Variants in CACNA2D3 observed in about 807,000 individuals in gnomAD.
CACNA2D3 encodes the protein voltage-dependent calcium channel subunit alpha-2/delta-3.
Under a neutral mutation model 160.6 loss-of-function variants are expected in CACNA2D3, and 60 were observed. The ratio of observed to expected loss-of-function variants is 0.37; its 90% CI spans 0.30 to 0.46. CACNA2D3 has a LOEUF of 0.46. Among genes scored for constraint, CACNA2D3 ranks in the 20% least tolerant of loss-of-function variants. The pLI is 1.00. For synonymous variants in CACNA2D3, 558 were observed against 492.9 expected (o/e 1.13, Z -1.75); for missense variants, 1,205 against 1,365.0 (o/e 0.88, Z 1.85).
chr3:54,275,382 G>T (rs1702712594), intron 2 of CACNA2D3, among the ~76,000 whole-genome samples: 1 of 151,394 alleles, frequency 6.6e-6, no homozygotes, highest in African/African-American at 2.4e-5. Context: ...TTTTTTCTTA[G>T]AAAAAAAATT....
chr3:54,176,845 G>C (rs1292298587), intron 2 of CACNA2D3, among the ~76,000 whole-genome samples: 1 of 152,080 alleles, frequency 6.6e-6, no homozygotes, highest in Non-Finnish European at 1.5e-5. Context: ...CCTTTGGTTG[G>C]GGTTGGGGGA....
intron 31 of CACNA2D3, among the ~76,000 whole-genome samples, chr3:55,003,896 G>T (rs547007115): frequency 6.6e-6 from 1 of 152,150 alleles, no homozygotes. Context: ...GCATCCTGTG[G>T]TTTGGGACTG....
chr3:54,687,831 A>T (rs1026437161), intron 11 of CACNA2D3, among the ~76,000 whole-genome samples: 1 of 152,194 alleles, frequency 6.6e-6, no homozygotes, highest in Non-Finnish European at 1.5e-5. Context: ...AATAAATCAC[A>T]TTGGTGTTAG....
At chr3:55,053,290 A>G (rs1704274619) in intron 35 of CACNA2D3, among the ~76,000 whole-genome samples, 1 of 152,022 alleles carries the variant, frequency 6.6e-6, no homozygotes, top group Non-Finnish European at 1.5e-5. Context: ...CTTACATACC[A>G]TTTAATTATT....
chr3:54,416,020 C>A (rs12632768), intron 4 of CACNA2D3, among the ~76,000 whole-genome samples: 27,732 of 152,092 alleles, frequency 0.18, 2,887 homozygotes, highest in Admixed American at 0.28. Context: ...CCCAAAAAAA[C>A]CCCTCTAAAT....
rs57761171 is a variant in CACNA2D3 at position 54,171,136 on chromosome 3, C to CTTTTTTT, written c.204+47558_204+47564dup. 6.8e-3 allele frequency among the ~76,000 whole-genome samples: 426 copies of CTTTTTTT among 62,532 alleles called. 74 individuals carry two copies. The highest frequency in any genetic ancestry group is 0.019 in the African/African-American group (343 of 18,036). The allele number at this position is 62,532 out of a possible 152,430, so 41.0% of individuals were successfully genotyped here. On this transcript the variant is annotated intron_variant, in intron 2 of 37. Coordinates refer to ENST00000474759, the MANE Select transcript of CACNA2D3 (RefSeq NM_018398.3). ...TCTGTTTACATTTTAAAGATGATGA[C>CTTTTTTT]TTTTTTTTTTTTTTTTTTTTTTAGG... is the stretch of plus-strand genomic sequence containing the variant.
chr3:54,577,092 T>C (rs551137871), intron 8 of CACNA2D3, among the ~76,000 whole-genome samples: 44 of 152,252 alleles, frequency 2.9e-4, no homozygotes, highest in African/African-American at 1.0e-3. Flanking sequence ...TATGTTCAGA[T>C]GGAACAAGAG....
chr3:54,298,550 G>A (rs140001872), intron 2 of CACNA2D3, among the ~76,000 whole-genome samples: 15 of 152,288 alleles, frequency 9.8e-5, no homozygotes, highest in African/African-American at 2.9e-4. Flanking sequence ...TGTAATCCCA[G>A]CATTTTGGGA....
intron 2 of CACNA2D3, among the ~76,000 whole-genome samples, chr3:54,301,232 G>A (rs1484985208): frequency 6.6e-6 from 1 of 151,374 alleles, no homozygotes; most frequent in East Asian, 2.0e-4. Context: ...ACTTCAGCTT[G>A]GGCAACAGAG....
chr3:54,562,237 A>G (rs1333646708), intron 5 of CACNA2D3, among the ~76,000 whole-genome samples: 2 of 152,224 alleles, frequency 1.3e-5, no homozygotes, highest in Non-Finnish European at 2.9e-5. Flanking sequence ...ACCAAGAGGC[A>G]GTCTGTGCTT....
rs1173914487 is a variant in CACNA2D3, at chr3:54,255,332, A to G, written c.205-65110A>G. Among the ~76,000 whole-genome samples, 3 of 152,212 alleles carry G rather than the reference A, an allele frequency of 2.0e-5. No homozygotes were observed. The East Asian group carries it at 5.8e-4, about 29-fold the overall frequency. On this transcript the variant is annotated intron_variant, in intron 2 of 37. Transcript: ENST00000474759. ...TTTGATACATCAGAGGGGGACAGTA[A>G]TGATCCTGTAAATTCCTAGCAACGT...
chr3:54,630,623 A>G (rs1316987709), intron 10 of CACNA2D3, among the ~76,000 whole-genome samples: 1 of 152,178 alleles, frequency 6.6e-6, no homozygotes, highest in Non-Finnish European at 1.5e-5. Context: ...TCATCTCCGT[A>G]TTAGCATCTT....
intron 2 of CACNA2D3, among the ~76,000 whole-genome samples, chr3:54,282,622 T>C (rs887649109): frequency 6.6e-6 from 1 of 152,224 alleles, no homozygotes; most frequent in Non-Finnish European, 1.5e-5. Context: ...GTTACTGTCC[T>C]TGTGATTCTT....
intron 16 of CACNA2D3, among the ~76,000 whole-genome samples, chr3:54,844,897 A>G (rs2106771764): frequency 6.6e-6 from 1 of 152,318 alleles, no homozygotes; most frequent in Middle Eastern, 3.4e-3. Flanking sequence ...TTGAATTCCC[A>G]AATACAATTT....
At chr3:54,303,337 C>G (rs922695330) in intron 2 of CACNA2D3, among the ~76,000 whole-genome samples, 1 of 152,154 alleles carries the variant, frequency 6.6e-6, no homozygotes, top group African/African-American at 2.4e-5. Context: ...AGTGTCAGGG[C>G]ATTGTTGAAA....
At chr3:54,537,841 C>G (rs1457270224) in intron 5 of CACNA2D3, among the ~76,000 whole-genome samples, 1 of 151,992 alleles carries the variant, frequency 6.6e-6, no homozygotes, top group East Asian at 1.9e-4. Flanking sequence ...GGCACCATGT[C>G]TGTGGGAGAG....
At chr3:54,412,352 A>T (rs1190359075) in intron 4 of CACNA2D3, among the ~76,000 whole-genome samples, 1 of 151,840 alleles carries the variant, frequency 6.6e-6, no homozygotes, top group Non-Finnish European at 1.5e-5. Context: ...TTCAAATATG[A>T]TTGTGGATTT....
chr3:54,348,546 C>G (rs1162220496), intron 3 of CACNA2D3, among the ~76,000 whole-genome samples: 3 of 152,114 alleles, frequency 2.0e-5, no homozygotes, highest in Admixed American at 6.5e-5. Flanking sequence ...AATGGAAATT[C>G]GAAGCACACT....
At chr3:54,807,673 A>G (rs1215206061) in intron 13 of CACNA2D3, among the ~76,000 whole-genome samples, 2 of 151,814 alleles carry the variant, frequency 1.3e-5, no homozygotes, top group East Asian at 3.9e-4. Context: ...TAGAACTAGA[A>G]ATACCATTTG....
Sources: gnomAD v4.1 joint callset for allele counts (sites outside exome capture counted in the v4.1 genomes callset) on GRCh38, gnomAD v4.1.1 for gene constraint, MANE v1.5 for transcripts, NCBI Gene and HGNC (gene_info 2026-07-23, HGNC 2026-07-21) for gene names.